Variants in UBXN2A observed in about 807,000 individuals in gnomAD.
The protein encoded by UBXN2A is UBX domain-containing protein 2A.
UBXN2A carries 28 observed loss-of-function variants against 28.4 expected under a neutral mutation model. The ratio of observed to expected loss-of-function variants is 0.99; its 90% CI spans 0.73 to 1.35. The LOEUF (loss-of-function observed/expected upper bound fraction) is 1.35. UBXN2A is among the 40% of genes most tolerant of loss of function. UBXN2A has a pLI of 0.00. For synonymous variants in UBXN2A, 97 were observed against 103.6 expected (o/e 0.94, Z 0.39); for missense variants, 253 against 297.9 (o/e 0.85, Z 1.11).
rs35903346 is a variant in UBXN2A at position 23,959,113 on chromosome 2, G to A, written c.41+758G>A. Among the ~76,000 whole-genome samples, 1,205 of 152,234 alleles carry A rather than the reference G, an allele frequency of 7.9e-3. 11 individuals carry two copies. Among genetic ancestry groups the A allele is most frequent in the Non-Finnish European group, 9.3e-3 (633 of 68,020 alleles). Reference sequence around the variant, plus strand: ...CTCTCAAAATGCTAGGATTATAAGCGTGAGCCACCATGCTTGGCCTATTAT... The same window carrying A: ...CTCTCAAAATGCTAGGATTATAAGCATGAGCCACCATGCTTGGCCTATTAT... On this transcript the variant is annotated intron_variant, in intron 2 of 6. Transcript: ENST00000309033.
chr2:23,953,683 A>G (rs1706480407), intron 1 of UBXN2A, among the ~76,000 whole-genome samples: 5 of 152,130 alleles, frequency 3.3e-5, no homozygotes, highest in Admixed American at 3.3e-4. Flanking sequence ...CTGTCATCAC[A>G]TTTTTCTCCC....
At chr2:23,978,638 C>T (rs946242992) in intron 4 of UBXN2A, among the ~76,000 whole-genome samples, 5 of 149,054 alleles carry the variant, frequency 3.4e-5, no homozygotes, top group South Asian at 2.1e-4. Context: ...AGCAAGACTC[C>T]GTCTCAAAAA....
intron 2 of UBXN2A, among the ~76,000 whole-genome samples, chr2:23,959,705 C>T (rs988040152): frequency 1.3e-5 from 2 of 152,098 alleles, no homozygotes; most frequent in African/African-American, 4.8e-5. Flanking sequence ...TCCAGGGGTC[C>T]TCACCCAGTG....
chr2:23,962,861 T>C (rs1409146250), intron 2 of UBXN2A, among the ~76,000 whole-genome samples: 1 of 151,990 alleles, frequency 6.6e-6, no homozygotes, highest in African/African-American at 2.4e-5. Context: ...CCACCCGCCT[T>C]GGCATCCCAA....
intron 6 of UBXN2A, among the ~76,000 whole-genome samples, chr2:23,993,361 A>G (rs1387697249): frequency 1.3e-5 from 2 of 152,060 alleles, no homozygotes; most frequent in Non-Finnish European, 2.9e-5. Flanking sequence ...TTTTTGGCCA[A>G]CAGCATTTAT....
chr2:23,932,112 G>A (rs1245461876), intron 1 of UBXN2A, among the ~76,000 whole-genome samples: 1 of 151,786 alleles, frequency 6.6e-6, no homozygotes, highest in Non-Finnish European at 1.5e-5. Context: ...GAGGTCAGGA[G>A]TTCGAGACCA....
At chr2:23,963,765 G>A (rs1368161256) in intron 2 of UBXN2A, among the ~76,000 whole-genome samples, 2 of 152,076 alleles carry the variant, frequency 1.3e-5, no homozygotes, top group East Asian at 3.9e-4. Flanking sequence ...AAATAGAATT[G>A]CCACAGAATG....
intron 2 of UBXN2A, among the ~76,000 whole-genome samples, chr2:23,970,473 G>A (rs1312831216): frequency 1.3e-5 from 2 of 152,028 alleles, no homozygotes; most frequent in Non-Finnish European, 2.9e-5. Context: ...CATGGGTAAA[G>A]GCCAAGGATA....
In UBXN2A at chr2:23,991,124, G is replaced by A. The variant is rs573128498; in HGVS notation, c.584+6293G>A. Among the ~76,000 whole-genome samples, 17 of 152,134 alleles carry A rather than the reference G, an allele frequency of 1.1e-4. No individual in the cohort carries two copies. In the East Asian group the frequency reaches 2.1e-3, roughly 19 times the overall value. On this transcript the variant is annotated intron_variant, in intron 6 of 6. Coordinates refer to ENST00000309033, the MANE Select transcript of UBXN2A (RefSeq NM_181713.4). ...CATTAAAAAATTGTGTTTTTCTTCC[G>A]TTTTTTCTGCTTATTTTATTAGTTA...
chr2:23,932,349 T>C (rs564740845), intron 1 of UBXN2A, among the ~76,000 whole-genome samples: 1 of 148,968 alleles, frequency 6.7e-6, no homozygotes, highest in East Asian at 2.0e-4. Flanking sequence ...AAAAAAGAAA[T>C]GCAAAAGACA....
intron 1 of UBXN2A, among the ~76,000 whole-genome samples, chr2:23,932,892 C>T (rs1479669861): frequency 6.6e-6 from 1 of 151,958 alleles, no homozygotes; most frequent in Non-Finnish European, 1.5e-5. Flanking sequence ...ATCACAAGAT[C>T]AGGAAATAGA....
chr2:23,949,744 A>C (rs1253082522), intron 1 of UBXN2A, among the ~76,000 whole-genome samples: 1 of 151,820 alleles, frequency 6.6e-6, no homozygotes, highest in Non-Finnish European at 1.5e-5. Context: ...GCATGGTGGC[A>C]CATGCCAGTA....
chr2:23,947,586 G>T (rs1166938779), intron 1 of UBXN2A, among the ~76,000 whole-genome samples: 3 of 152,130 alleles, frequency 2.0e-5, no homozygotes, highest in Admixed American at 1.3e-4. Flanking sequence ...ATAAATTTTA[G>T]TTGGTTCATT....
At chr2:23,944,234 T>G (rs1468668677) in intron 1 of UBXN2A, 1 of 1,595,288 alleles carries the variant, frequency 6.3e-7, no homozygotes. Flanking sequence ...ATACCTGGAA[T>G]GGGATCCAAC....
chr2:23,956,805 G>A (rs994369104), intron 1 of UBXN2A, among the ~76,000 whole-genome samples: 5 of 152,092 alleles, frequency 3.3e-5, no homozygotes, highest in Non-Finnish European at 5.9e-5. Flanking sequence ...CCAACATATA[G>A]GCACTTGATG....
In UBXN2A at chr2:23,952,538, G is replaced by A. The variant is rs757204730; in HGVS notation, c.-14-5763G>A. Reference sequence around the variant, plus strand: ...CAGCTCACCACAATCTCCACCTCCCGGGTTCAAGCAGTTCTTCTGCCTCAG... The same window carrying A: ...CAGCTCACCACAATCTCCACCTCCCAGGTTCAAGCAGTTCTTCTGCCTCAG... On this transcript the variant is annotated intron_variant, in intron 1 of 6. Coordinates refer to ENST00000309033, the MANE Select transcript of UBXN2A (RefSeq NM_181713.4). 1.1e-4 allele frequency among the ~76,000 whole-genome samples: 17 copies of A among 152,192 alleles called. No individual in the cohort carries two copies. The East Asian group carries it at 1.5e-3, about 14-fold the overall frequency.
chr2:23,951,096 T>G (rs2150817928), intron 1 of UBXN2A, among the ~76,000 whole-genome samples: 1 of 152,228 alleles, frequency 6.6e-6, no homozygotes, highest in South Asian at 2.1e-4. Context: ...GCCCCTCAGC[T>G]CAAATACTTA....
chr2:24,004,740 ATAATCT>A lies in UBXN2A; in HGVS notation c.*4876_*4881del, dbSNP rs1034266491. 4.0e-5 allele frequency: 6 copies of A among 151,804 alleles called. No homozygotes were observed. The highest frequency in any genetic ancestry group is 1.4e-4 in the African/African-American group (6 of 41,448). 9.4% of individuals were successfully genotyped at this position (151,804 alleles called of 1,614,324 possible). On this transcript the variant is annotated 3_prime_UTR_variant, in exon 7 of 7. Transcript: ENST00000309033. ...CTATGCATTTTTTTCAGTTTAAAAA[ATAATCT>A]TATTTTATATACTTCTCTCGGTATA...
chr2:23,927,543 T>C (rs1705085082), exon 1 of UBXN2A: 1 of 151,714 alleles, frequency 6.6e-6, no homozygotes, highest in African/African-American at 2.4e-5. Flanking sequence ...TGAGTCGCAC[T>C]TTTCATGCCT....
Sources: gnomAD v4.1 joint callset for allele counts (sites outside exome capture counted in the v4.1 genomes callset) on GRCh38, gnomAD v4.1.1 for gene constraint, MANE v1.5 for transcripts, NCBI Gene and HGNC (gene_info 2026-07-23, HGNC 2026-07-21) for gene names.